Variants in SPIRE2 observed in about 807,000 individuals in gnomAD.
SPIRE2 encodes the protein protein spire homolog 2.
A neutral mutation model predicts 80.7 loss-of-function variants in SPIRE2; 76 were observed. That is an observed-to-expected ratio of 0.94 (90% CI 0.78 to 1.14). The LOEUF (loss-of-function observed/expected upper bound fraction) is 1.14, where lower values mean the gene tolerates loss of function less well. SPIRE2 is among the 50% of genes most tolerant of loss of function. SPIRE2 has a pLI of 0.00. For synonymous variants in SPIRE2, 535 were observed against 432.6 expected, an observed-to-expected ratio of 1.24 and a Z score of -2.94; for missense variants, 1,196 against 1,015.3, an observed-to-expected ratio of 1.18 and a Z score of -2.42.
At chr16:89,849,827 T>C (rs1475063503) in intron 2 of SPIRE2, 1 of 290,402 alleles carries the variant, frequency 3.4e-6, no homozygotes, top group Non-Finnish European at 6.7e-6. Context: ...ATTTTTAATG[T>C]GCTTTTAAAA....
chr16:89,842,229 T>TTC (rs1299656862), intron 1 of SPIRE2, among the ~76,000 whole-genome samples: 1 of 137,372 alleles, frequency 7.3e-6, no homozygotes, highest in Admixed American at 7.2e-5. Flanking sequence ...TTTTTTTTTT[T>TTC]TGTGACGGAG....
intron 10 of SPIRE2, among the ~76,000 whole-genome samples, chr16:89,861,758 G>A (rs1000393659): frequency 6.6e-6 from 1 of 152,140 alleles, no homozygotes; most frequent in Non-Finnish European, 1.5e-5. Context: ...CTGAAGTGGC[G>A]TCTTCACCCA....
At chr16:89,868,933 A>G (rs888746465) in intron 13 of SPIRE2, among the ~76,000 whole-genome samples, 4 of 145,292 alleles carry the variant, frequency 2.8e-5, no homozygotes, top group African/African-American at 1.0e-4. Flanking sequence ...TGGGAGGCTG[A>G]GGTGGGAGGA....
At chr16:89,845,249 G>A (rs1171395801) in intron 1 of SPIRE2, 73 bp from the exon 2 acceptor site, 3 of 1,353,416 alleles carry the variant, frequency 2.2e-6, no homozygotes, top group Admixed American at 1.7e-5. Flanking sequence ...CCGAGGGGGA[G>A]GTGGGGGGAC....
At chr16:89,836,991 A>C (rs2041456424) in intron 1 of SPIRE2, among the ~76,000 whole-genome samples, 2 of 152,098 alleles carry the variant, frequency 1.3e-5, no homozygotes, top group Non-Finnish European at 2.9e-5. Context: ...GTGAAACTCC[A>C]GCTAAAAAAA....
intron 2 of SPIRE2, chr16:89,847,000 A>G (rs1321644050): frequency 7.2e-6 from 1 of 138,006 alleles, no homozygotes; most frequent in South Asian, 2.1e-4. Context: ...AAAAAAAACA[A>G]GAAGAAAACA....
In SPIRE2 at chr16:89,854,661, G is replaced by C. The variant is rs900176900; in HGVS notation, c.891+10G>C. The C allele has an allele frequency of 6.2e-7, 1 of 1,608,370 alleles. No homozygotes were observed. The highest frequency in any genetic ancestry group is 2.2e-5 in the East Asian group (1 of 44,780). ...GCTGCGCAAGGTCATGGTGAGCGGG[G>C]CAGACGCAGAGGGGCAGCCTGGATG... On this transcript the variant is annotated intron_variant, in intron 5 of 14. Coordinates refer to ENST00000378247, the MANE Select transcript of SPIRE2 (RefSeq NM_032451.2).
chr16:89,840,729 A>G (rs2041498645), intron 1 of SPIRE2, among the ~76,000 whole-genome samples: 2 of 138,534 alleles, frequency 1.4e-5, no homozygotes, highest in Middle Eastern at 4.5e-3. Context: ...TCCGCCTCCC[A>G]GGTTCACGCC....
chr16:89,863,372 G>C lies in SPIRE2; in HGVS notation c.1576-104G>C. ...TGGACAGCGTTTTAGAAGGTCGCAG[G>C]CTTGTTTAGGCTGAGGCCAGGGAGG... is the stretch of plus-strand genomic sequence containing the variant. On this transcript the variant is annotated intron_variant, in intron 10 of 14. Coordinates refer to ENST00000378247, the MANE Select transcript of SPIRE2 (RefSeq NM_032451.2). The surrounding 1 kb of genome is among the most constrained non-coding windows in gnomAD (Gnocchi z 4.3). The C allele has an allele frequency of 7.5e-7, 1 of 1,325,748 alleles. No homozygotes were observed. The highest frequency in any genetic ancestry group is 1.0e-6 in the Non-Finnish European group (1 of 959,092). 82.1% of individuals were successfully genotyped at this position (1,325,748 alleles called of 1,614,324 possible).
intron 13 of SPIRE2, among the ~76,000 whole-genome samples, chr16:89,869,081 C>T (rs1225035384): frequency 1.2e-5 from 1 of 84,370 alleles, no homozygotes; most frequent in South Asian, 4.7e-4. Flanking sequence ...TATATGTTAC[C>T]CCTCAGGCCT....
chr16:89,831,481 T>C (rs1226032799), intron 1 of SPIRE2, among the ~76,000 whole-genome samples: 2 of 148,430 alleles, frequency 1.3e-5, no homozygotes, highest in African/African-American at 4.9e-5. Flanking sequence ...CACTGCAAGC[T>C]TCGCCTACTG....
intron 3 of SPIRE2, among the ~76,000 whole-genome samples, chr16:89,851,011 G>C (rs2041621950): frequency 6.6e-6 from 1 of 151,958 alleles, no homozygotes. Flanking sequence ...AGTAGAGACG[G>C]GGTTTCACCA....
At chr16:89,869,520 ATGTCTC>A in intron 13 of SPIRE2, 41 bp from the exon 14 acceptor site, 1 of 1,331,918 alleles carries the variant, frequency 7.5e-7, no homozygotes. Context: ...GTGTACCTGA[ATGTCTC>A]TGGTGGTGCC....
In SPIRE2 at chr16:89,850,371, G is replaced by A. The variant is rs1344216110; in HGVS notation, c.356G>A (p.Arg119His). 5 of 1,599,054 alleles carry A rather than the reference G, an allele frequency of 3.1e-6. No homozygotes were observed. Among genetic ancestry groups the A allele is most frequent in the East Asian group, 4.5e-5 (2 of 44,238 alleles). The change falls in exon 3 of 15, where the codon CGC (arginine) becomes CAC (histidine). Residue 119 changes from arginine (R) to histidine (H), a missense_variant. Coordinates refer to ENST00000378247, the MANE Select transcript of SPIRE2 (RefSeq NM_032451.2). Reference protein sequence around the residue: ...LDWGLDESEERELSPQLERLI... With the variant: ...LDWGLDESEEHELSPQLERLI... ...TGGGGGCTGGACGAGAGCGAGGAGC[G>A]CGAACTCAGCCCTCAGCTGGAGCGG...
intron 13 of SPIRE2, 54 bp downstream of exon 13, chr16:89,868,270 C>G (rs1002917511): frequency 1.9e-6 from 3 of 1,586,900 alleles, no homozygotes; most frequent in African/African-American, 2.7e-5. Flanking sequence ...AGGGGCTCCA[C>G]TGGCTTTGAT....
chr16:89,835,738 G>A (rs1032123666), intron 1 of SPIRE2, among the ~76,000 whole-genome samples: 14 of 152,326 alleles, frequency 9.2e-5, no homozygotes, highest in African/African-American at 2.6e-4. Flanking sequence ...AAATCAGCCC[G>A]TGCCGGGGAA....
At chr16:89,856,757 G>C (rs1257316487) in intron 7 of SPIRE2, among the ~76,000 whole-genome samples, 1 of 151,628 alleles carries the variant, frequency 6.6e-6, no homozygotes, top group African/African-American at 2.4e-5. Flanking sequence ...ACTGCACCTG[G>C]CCAAAAATAA....
At position 89,828,770 on chromosome 16, in the gene SPIRE2, G is replaced by C. The variant is rs1598212818; in HGVS notation, c.220G>C (p.Gly74Arg). The change falls in exon 1 of 15, where the codon GGG becomes CGG. Residue 74 changes from glycine (G) to arginine (R), a missense_variant. Transcript: ENST00000378247. The surrounding 1 kb of genome is among the most constrained non-coding windows in gnomAD (Gnocchi z 5.9). ...DLLLRGDGSV[G>R]AREPEAAEPA... is the part of the protein sequence containing the mutation. ...CCTGCTGCGCGGGGACGGCTCGGTC[G>C]GGGCGCGGGAGCCCGAGGCCGCGGG... 3.4e-6 allele frequency: 4 copies of C among 1,187,894 alleles called. No individual in the cohort carries two copies. The highest frequency in any genetic ancestry group is 3.1e-6 in the Non-Finnish European group (3 of 959,918). 73.6% of individuals were successfully genotyped at this position (1,187,894 alleles called of 1,614,324 possible).
Position 89,828,700 on chromosome 16 carries a change from G to T in SPIRE2, c.150G>T (p.Gly50=), listed in dbSNP as rs748776148. 4 of 1,287,732 alleles carry T rather than the reference G, an allele frequency of 3.1e-6. No individual in the cohort carries two copies. The highest frequency in any genetic ancestry group is 2.4e-5 in the South Asian group (1 of 41,068). 79.8% of individuals were successfully genotyped at this position (1,287,732 alleles called of 1,614,324 possible). The part of the protein sequence containing the change: ...AWAVCFQGCR[G]LRGSPGRRLR... ...CCGTGTGCTTCCAGGGCTGCCGCGG[G>T]CTGCGGGGCTCGCCGGGCCGGCGCC... Residue 50 remains glycine (G), a synonymous_variant, in exon 1 of 15, where the codon GGG becomes GGT. Coordinates refer to ENST00000378247, the MANE Select transcript of SPIRE2 (RefSeq NM_032451.2). The surrounding 1 kb of genome is among the most constrained non-coding windows in gnomAD (Gnocchi z 5.9).
Sources: allele counts gnomAD v4.1 joint callset (sites outside exome capture counted in the v4.1 genomes callset), GRCh38; gene constraint gnomAD v4.1.1; non-coding constraint Gnocchi (gnomAD v3.1); transcripts MANE v1.5; gene names NCBI Gene and HGNC (gene_info 2026-07-23, HGNC 2026-07-21).